PCDHGA4: variants seen among roughly 807,000 people sequenced by gnomAD.
PCDHGA4 encodes protocadherin gamma-A4.
PCDHGA4 carries 38 observed loss-of-function variants against 54.6 expected under a neutral mutation model. That is an observed-to-expected ratio of 0.70 (90% CI 0.54 to 0.91). The LOEUF is 0.91. Ranked by LOEUF, PCDHGA4 falls within the 40% of genes least tolerant of loss-of-function variation. The pLI, the probability that PCDHGA4 is intolerant of heterozygous loss-of-function variation, is 0.00. For missense variants in PCDHGA4, 1,298 were observed against 1,220.9 expected, an observed-to-expected ratio of 1.06 and a Z score of -0.94; for synonymous variants, 511 against 512.9, an observed-to-expected ratio of 1.00 and a Z score of 0.05.
chr5:141,371,301 A>G (rs199851082), intron 1 of PCDHGA4: 272 of 1,613,872 alleles, frequency 1.7e-4, no homozygotes, highest in Non-Finnish European at 2.2e-4. Flanking sequence ...GGAACTCACC[A>G]CTATTGGAGA....
At chr5:141,467,373 T>C (rs2099143070) in intron 1 of PCDHGA4, among the ~76,000 whole-genome samples, 1 of 152,064 alleles carries the variant, frequency 6.6e-6, no homozygotes, top group Non-Finnish European at 1.5e-5. Context: ...TTTCTTATAT[T>C]GCATTTAGGT....
chr5:141,415,758 T>TG, intron 1 of PCDHGA4: 1 of 1,381,742 alleles, frequency 7.2e-7, no homozygotes, highest in South Asian at 1.7e-5. Context: ...TTTTTTTTTT[T>TG]TTTTTTTTTT....
intron 1 of PCDHGA4, among the ~76,000 whole-genome samples, chr5:141,363,621 C>G (rs1384917674): frequency 1.3e-5 from 2 of 152,216 alleles, no homozygotes; most frequent in African/African-American, 4.8e-5. Context: ...AGTGGAGAGA[C>G]TTTCTCAAAG....
rs372031191 is a variant in PCDHGA4, at chr5:141,395,092, C to T, written c.2514+37471C>T. 3.2e-5 allele frequency: 52 copies of T among 1,614,088 alleles called. No homozygotes were observed. The highest frequency in any genetic ancestry group is 4.2e-5 in the Non-Finnish European group (50 of 1,180,040). On this transcript the variant is annotated intron_variant, in intron 1 of 3. Transcript: ENST00000571252. ...ACCTATTCCCAGGAAGTCTCCCTCA[C>T]CGCCGACTCGCGGAAGAGTCACCTG...
At position 141,478,736 on chromosome 5, in the gene PCDHGA4, T is replaced by G; in HGVS notation, c.2515-16071T>G. On this transcript the variant is annotated intron_variant, in intron 1 of 3. Coordinates refer to ENST00000571252, the MANE Select transcript of PCDHGA4 (RefSeq NM_018917.4). Reference sequence around the variant, plus strand: ...TGGTGGCCTGCCAGAGTGTGGTTTGTGGTCCCATTTCAGGGGGAAGATACT... The same window carrying G: ...TGGTGGCCTGCCAGAGTGTGGTTTGGGGTCCCATTTCAGGGGGAAGATACT... 5 of 1,534,796 alleles carry G rather than the reference T, an allele frequency of 3.3e-6. No homozygotes were observed. In the South Asian group the frequency reaches 6.2e-5, roughly 19 times the overall value.
At chr5:141,371,684 A>G (rs756152313) in intron 1 of PCDHGA4, 4 of 1,614,050 alleles carry the variant, frequency 2.5e-6, no homozygotes, top group Non-Finnish European at 3.4e-6. Context: ...AAGGCAATCC[A>G]CCGCTCTCCT....
At position 141,432,065 on chromosome 5, in the gene PCDHGA4, AC is replaced by A; in HGVS notation, c.2515-62741del. 1.2e-6 allele frequency: 2 copies of A among 1,614,048 alleles called. No homozygotes were observed. The highest frequency in any genetic ancestry group is 1.7e-6 in the Non-Finnish European group (2 of 1,180,006). On this transcript the variant is annotated intron_variant, in intron 1 of 3. Transcript: ENST00000571252. The surrounding 1 kb of genome is among the most constrained non-coding windows in gnomAD (Gnocchi z 6.0). ...GGGAACCCCGCCCCTATCCACGGAA[AC>A]TCATATCTCGCTGAACGTGGCAGAC...
chr5:141,501,141 A>G (rs940603527), intron 2 of PCDHGA4, among the ~76,000 whole-genome samples: 8 of 152,184 alleles, frequency 5.3e-5, no homozygotes, highest in Admixed American at 5.2e-4. Context: ...TGCTGGGATT[A>G]CAGGTGGGAG....
chr5:141,375,231 C>A, intron 1 of PCDHGA4: 1 of 1,613,964 alleles, frequency 6.2e-7, no homozygotes. Context: ...GGCCTGGTAA[C>A]CTGTTCCATC....
intron 1 of PCDHGA4, among the ~76,000 whole-genome samples, chr5:141,471,692 C>A (rs1293253544): frequency 6.6e-6 from 1 of 152,118 alleles, no homozygotes; most frequent in African/African-American, 2.4e-5. Context: ...TTCTGAAATT[C>A]TGGCTGGAAT....
intron 1 of PCDHGA4, chr5:141,419,444 G>A: frequency 6.2e-7 from 1 of 1,613,088 alleles, no homozygotes; most frequent in Non-Finnish European, 8.5e-7. Context: ...GCGCACCTTC[G>A]AGCTCACGCT....
At position 141,360,504 on chromosome 5, in the gene PCDHGA4, G is replaced by T. The variant is rs778091119; in HGVS notation, c.2514+2883G>T. 5 of 1,613,814 alleles carry T rather than the reference G, an allele frequency of 3.1e-6. No homozygotes were observed. The African/African-American group carries it at 4.0e-5, about 13-fold the overall frequency. On this transcript the variant is annotated intron_variant, in intron 1 of 3. Transcript: ENST00000571252. The stretch of plus-strand genomic sequence containing the variant: ...ATATTTTCTACATAGCAGTAATTGT[G>T]CAGGATATAAATGATAATACCCCGC...
chr5:141,362,714 C>G, intron 1 of PCDHGA4: 1 of 916,370 alleles, frequency 1.1e-6, no homozygotes, highest in South Asian at 1.8e-5. Context: ...AGTGTTTTCT[C>G]TCTGAAGTGT....
intron 1 of PCDHGA4, chr5:141,415,156 A>T: frequency 6.2e-7 from 1 of 1,613,798 alleles, no homozygotes. Flanking sequence ...TCTCTCCGCC[A>T]CTGTCACGCT....
At chr5:141,483,207 A>G (rs1225621725) in intron 1 of PCDHGA4, among the ~76,000 whole-genome samples, 1 of 152,224 alleles carries the variant, frequency 6.6e-6, no homozygotes, top group African/African-American at 2.4e-5. Context: ...TATTCCATAT[A>G]GATGACAGTC....
chr5:141,489,723 T>C lies in PCDHGA4; in HGVS notation c.2515-5084T>C, dbSNP rs900332220. ...CACTGGACAGTGCCCAGGATCCGGA[T>C]GTGGGCACCAATACTGTGAGCTTTT... On this transcript the variant is annotated intron_variant, in intron 1 of 3. Coordinates refer to ENST00000571252, the MANE Select transcript of PCDHGA4 (RefSeq NM_018917.4). This position sits in a 1 kb window ranked among gnomAD's most constrained non-coding sequence, Gnocchi z 4.5. 4.3e-6 allele frequency: 7 copies of C among 1,613,958 alleles called. No homozygotes were observed. The highest frequency in any genetic ancestry group is 5.9e-6 in the Non-Finnish European group (7 of 1,179,940).
At chr5:141,465,887 C>A (rs1267304672) in intron 1 of PCDHGA4, among the ~76,000 whole-genome samples, 1 of 152,040 alleles carries the variant, frequency 6.6e-6, no homozygotes, top group Non-Finnish European at 1.5e-5. Flanking sequence ...CTTTGGGAGG[C>A]CGAGGCGGGC....
rs761126985 is a variant in PCDHGA4 at position 141,431,245 on chromosome 5, C to G, written c.2515-63562C>G. ...TACCCCACGCCTGGGATCCGGATAT[C>G]GGGAAGAACTCTCTGCAGAGCTACG... is the stretch of plus-strand genomic sequence containing the variant. On this transcript the variant is annotated intron_variant, in intron 1 of 3. Transcript: ENST00000571252. This position sits in a 1 kb window ranked among gnomAD's most constrained non-coding sequence, Gnocchi z 4.8. 1.2e-6 allele frequency: 2 copies of G among 1,614,016 alleles called. No homozygotes were observed. Among genetic ancestry groups the G allele is most frequent in the Non-Finnish European group, 1.7e-6 (2 of 1,180,046 alleles).
chr5:141,403,581 T>C (rs2094427540), intron 1 of PCDHGA4: 8 of 1,613,936 alleles, frequency 5.0e-6, no homozygotes, highest in Non-Finnish European at 6.8e-6. Flanking sequence ...GCCCACCACC[T>C]GGTCCTCACG....
Sources: gnomAD v4.1 joint callset for allele counts (sites outside exome capture counted in the v4.1 genomes callset) on GRCh38, gnomAD v4.1.1 for gene constraint, Gnocchi (gnomAD v3.1) non-coding constraint, MANE v1.5 for transcripts, NCBI Gene and HGNC (gene_info 2026-07-23, HGNC 2026-07-21) for gene names.